CYP2C18: variants seen among roughly 807,000 people sequenced by gnomAD.
CYP2C18 encodes cytochrome P450 family 2 subfamily C member 18, also known as cytochrome P450 2C18.
CYP2C18 carries 38 observed loss-of-function variants against 41.3 expected under a neutral mutation model. The observed-to-expected ratio is 0.92, with a 90% confidence interval of 0.71 to 1.21. The LOEUF (loss-of-function observed/expected upper bound fraction) is 1.21. Ranked by LOEUF, CYP2C18 falls within the 50% of genes most tolerant of loss-of-function variation. The pLI is 0.00. For synonymous variants in CYP2C18, 236 were observed against 210.0 expected (o/e 1.12, Z -1.07); for missense variants, 635 against 591.4 (o/e 1.07, Z -0.77).
intron 3 of CYP2C18, among the ~76,000 whole-genome samples, chr10:94,693,087 A>T (rs1461584758): frequency 2.0e-5 from 3 of 152,146 alleles, no homozygotes; most frequent in Admixed American, 2.0e-4. Context: ...TGGGTGCAGC[A>T]CACCAACATG....
At chr10:94,706,752 T>A in intron 4 of CYP2C18, 32 bp from the exon 5 acceptor site, 1 of 1,301,128 alleles carries the variant, frequency 7.7e-7, no homozygotes, top group Non-Finnish European at 1.1e-6. Context: ...AATACATGTG[T>A]TTAATTTAAT....
chr10:94,707,661 G>A (rs1410906301), intron 5 of CYP2C18, among the ~76,000 whole-genome samples: 1 of 152,162 alleles, frequency 6.6e-6, no homozygotes, highest in Non-Finnish European at 1.5e-5. Context: ...TCAAAAACTT[G>A]CTACAAGACA....
At chr10:94,720,214 G>T (rs1172682599) in intron 5 of CYP2C18, among the ~76,000 whole-genome samples, 182 bp from the exon 6 acceptor site, 1 of 152,138 alleles carries the variant, frequency 6.6e-6, no homozygotes, top group African/African-American at 2.4e-5. Flanking sequence ...GGATAAGTAG[G>T]AATGGGAAAT....
At chr10:94,688,984 G>A (rs139123183) in intron 3 of CYP2C18, among the ~76,000 whole-genome samples, 1 of 152,026 alleles carries the variant, frequency 6.6e-6, no homozygotes, top group Non-Finnish European at 1.5e-5. Context: ...ATGTCTGGGG[G>A]TTTATTCTAA....
chr10:94,702,444 T>G (rs1406493346), intron 4 of CYP2C18, among the ~76,000 whole-genome samples: 3 of 152,090 alleles, frequency 2.0e-5, no homozygotes, highest in Non-Finnish European at 4.4e-5. Flanking sequence ...TTTCATTCTT[T>G]TTTCTCTAAT....
chr10:94,724,573 A>G, intron 7 of CYP2C18, 40 bp downstream of exon 7: 1 of 1,562,990 alleles, frequency 6.4e-7, no homozygotes. Flanking sequence ...CATGCTCTTC[A>G]AGTCCCCAAA....
intron 3 of CYP2C18, 36 bp downstream of exon 3, chr10:94,688,310 T>C: frequency 6.4e-7 from 1 of 1,570,192 alleles, no homozygotes; most frequent in South Asian, 1.2e-5. Context: ...AAATGTTTTC[T>C]AAAATTTATT....
chr10:94,713,147 AT>A (rs1847469625), intron 5 of CYP2C18, among the ~76,000 whole-genome samples: 1 of 151,916 alleles, frequency 6.6e-6, no homozygotes, highest in Non-Finnish European at 1.5e-5. Context: ...GAAATTTAAT[AT>A]GTTTTTCTTC....
At position 94,724,553 on chromosome 10, in the gene CYP2C18, A is replaced by G. The variant is rs1331865179; in HGVS notation, c.1149+20A>G. ...CCCAAGGTAAGCTTGTTTCTCCTAC[A>G]CTACATCTCCATGCTCTTCAAGTCC... is the stretch of plus-strand genomic sequence containing the variant. On this transcript the variant is annotated intron_variant, in intron 7 of 8. Coordinates refer to ENST00000285979, the MANE Select transcript of CYP2C18 (RefSeq NM_000772.3). The G allele has an allele frequency of 6.2e-7, 1 of 1,605,238 alleles. No homozygotes were observed. The highest frequency in any genetic ancestry group is 8.5e-7 in the Non-Finnish European group (1 of 1,172,362).
intron 5 of CYP2C18, among the ~76,000 whole-genome samples, chr10:94,711,940 C>T (rs1223587078): frequency 2.0e-5 from 3 of 151,206 alleles, no homozygotes; most frequent in Non-Finnish European, 1.5e-5. Context: ...CTCCTGGGCT[C>T]AAGCAATTCT....
intron 7 of CYP2C18, among the ~76,000 whole-genome samples, chr10:94,726,967 G>A (rs928629419): frequency 6.6e-6 from 1 of 152,132 alleles, no homozygotes; most frequent in African/African-American, 2.4e-5. Context: ...CTGAATGTCT[G>A]TATTGTGCCA....
intron 8 of CYP2C18, among the ~76,000 whole-genome samples, chr10:94,734,891 A>C (rs1847893377): frequency 6.6e-6 from 1 of 152,156 alleles, no homozygotes; most frequent in African/African-American, 2.4e-5. Context: ...CAGAAGTACA[A>C]AGGGGAACAC....
Position 94,692,654 on chromosome 10 carries a change from A to G in CYP2C18, c.482-2263A>G, listed in dbSNP as rs367837577. Among the ~76,000 whole-genome samples the G allele has an allele frequency of 2.0e-5, 3 of 150,182 alleles. No individual in the cohort carries two copies. In the East Asian group the frequency reaches 6.4e-4, roughly 32 times the overall value. On this transcript the variant is annotated intron_variant, in intron 3 of 8. Coordinates refer to ENST00000285979, the MANE Select transcript of CYP2C18 (RefSeq NM_000772.3). ...TAGAACTAGAAATGCCATATGACCC[A>G]GCCATCCCATTACTGGGTATATACC...
chr10:94,710,629 TAAAC>T (rs1229671468), intron 5 of CYP2C18, among the ~76,000 whole-genome samples: 1 of 152,216 alleles, frequency 6.6e-6, no homozygotes, highest in African/African-American at 2.4e-5. Context: ...CAAATTCACT[TAAAC>T]AGAAGGAAAT....
intron 3 of CYP2C18, among the ~76,000 whole-genome samples, chr10:94,688,877 C>T (rs1400968334): frequency 2.0e-5 from 3 of 152,182 alleles, no homozygotes; most frequent in Non-Finnish European, 4.4e-5. Context: ...GTGGCACAGA[C>T]ATAGTGGGAA....
rs1847856770 is a variant in CYP2C18, at chr10:94,732,850, TG to T, written c.1150-446del. On this transcript the variant is annotated intron_variant, in intron 7 of 8. Coordinates refer to ENST00000285979, the MANE Select transcript of CYP2C18 (RefSeq NM_000772.3). ...GGTTGAAAAACTACCTGTTGGATAC[TG>T]TGCTCTCTACTCGGGTGATGGAATT... Among the ~76,000 whole-genome samples the T allele has an allele frequency of 2.0e-5, 3 of 151,960 alleles. No homozygotes were observed. In the South Asian group the frequency reaches 6.2e-4, roughly 31 times the overall value.
chr10:94,693,583 C>T (rs1296446542), intron 3 of CYP2C18, among the ~76,000 whole-genome samples: 3 of 152,126 alleles, frequency 2.0e-5, no homozygotes, highest in African/African-American at 7.2e-5. Context: ...AACACACTTG[C>T]ATGCATGCAT....
intron 5 of CYP2C18, 91 bp downstream of exon 5, chr10:94,707,051 G>A (rs1318996040): frequency 4.8e-6 from 5 of 1,042,352 alleles, no homozygotes; most frequent in Admixed American, 2.3e-5. Context: ...CACTTCATGA[G>A]CACTTTATGT....
At chr10:94,697,951 C>A (rs1484942777) in intron 4 of CYP2C18, among the ~76,000 whole-genome samples, 3 of 152,120 alleles carry the variant, frequency 2.0e-5, no homozygotes, top group African/African-American at 4.8e-5. Context: ...TATATATGCA[C>A]CCAATACAGG....
Sources: gnomAD v4.1 joint callset for allele counts (sites outside exome capture counted in the v4.1 genomes callset) on GRCh38, gnomAD v4.1.1 for gene constraint, MANE v1.5 for transcripts, NCBI Gene and HGNC (gene_info 2026-07-23, HGNC 2026-07-21) for gene names.